The following ZMYM2 variants were observed in gnomAD, a reference collection of about 807,000 sequenced individuals.
ZMYM2 encodes the protein zinc finger MYM-type containing 2, also known as zinc finger MYM-type protein 2.
A neutral mutation model predicts 162.8 loss-of-function variants in ZMYM2; 56 were observed. That is an observed-to-expected ratio of 0.34 (90% CI 0.28 to 0.43). The LOEUF is 0.43. Among genes scored for constraint, ZMYM2 ranks in the 20% least tolerant of loss-of-function variants. The probability of loss-of-function intolerance (pLI) is 1.00; values close to 1 mark genes in which losing one functional copy is unlikely to be tolerated. For synonymous variants in ZMYM2, 510 were observed against 541.6 expected, an observed-to-expected ratio of 0.94 and a Z score of 0.81; for missense variants, 1,275 against 1,621.8, an observed-to-expected ratio of 0.79 and a Z score of 3.67.
At chr13:19,870,435 A>C in the ZMYM2 span, among the ~76,000 whole-genome samples, 2 of 150,578 alleles carry the variant, frequency 1.3e-5, no homozygotes, top group Non-Finnish European at 3.0e-5. Flanking sequence ...ACTGCGCCTG[A>C]CCATACACTG....
chr13:20,076,257 A>G (rs1957496444), intron 21 of ZMYM2, among the ~76,000 whole-genome samples: 1 of 150,164 alleles, frequency 6.7e-6, no homozygotes, highest in South Asian at 2.1e-4. Flanking sequence ...AATGATGAGC[A>G]TTCTCTTTGT....
At chr13:20,008,400 G>A (rs1238320438) in intron 6 of ZMYM2, among the ~76,000 whole-genome samples, 1 of 152,180 alleles carries the variant, frequency 6.6e-6, no homozygotes, top group Non-Finnish European at 1.5e-5. Flanking sequence ...CAAAGTGCTG[G>A]GATTACAGGC....
At chr13:19,920,854 C>A in the ZMYM2 span, among the ~76,000 whole-genome samples, 1 of 152,086 alleles carries the variant, frequency 6.6e-6, no homozygotes, top group Admixed American at 6.6e-5. Flanking sequence ...CCTCTACCTC[C>A]TGGATTCAAG....
intron 2 of ZMYM2, among the ~76,000 whole-genome samples, chr13:19,981,892 G>C (rs1957365112): frequency 6.6e-6 from 1 of 152,094 alleles, no homozygotes; most frequent in Non-Finnish European, 1.5e-5. Flanking sequence ...CTAAGCCGTT[G>C]AGGGTCACAG....
At chr13:19,926,483 C>A in the ZMYM2 span, among the ~76,000 whole-genome samples, 1 of 151,226 alleles carries the variant, frequency 6.6e-6, no homozygotes, top group Non-Finnish European at 1.5e-5. Context: ...CCTGCCTTAG[C>A]CTCCTGAGTA....
chr13:19,885,359 A>G, the ZMYM2 span, among the ~76,000 whole-genome samples: 2 of 152,178 alleles, frequency 1.3e-5, no homozygotes, highest in Admixed American at 6.6e-5. Flanking sequence ...TTAAGCTAGG[A>G]TAAGAGGATC....
At chr13:19,960,199 C>T (rs1955044134) in intron 2 of ZMYM2, among the ~76,000 whole-genome samples, 173 bp downstream of exon 2, 1 of 152,150 alleles carries the variant, frequency 6.6e-6, no homozygotes, top group Non-Finnish European at 1.5e-5. Context: ...TGGGAGTGGG[C>T]GCTGCTGTTT....
At chr13:19,933,687 T>A in the ZMYM2 span, among the ~76,000 whole-genome samples, 1 of 152,164 alleles carries the variant, frequency 6.6e-6, no homozygotes, top group African/African-American at 2.4e-5. Flanking sequence ...CTATGTAGAA[T>A]TCTGGAGCTG....
chr13:20,015,092 A>C (rs1951514781), intron 6 of ZMYM2, among the ~76,000 whole-genome samples: 1 of 152,104 alleles, frequency 6.6e-6, no homozygotes, highest in Admixed American at 6.6e-5. Flanking sequence ...TAAGCATTTA[A>C]AATTTTAAAT....
the ZMYM2 span, among the ~76,000 whole-genome samples, chr13:19,923,960 C>T: frequency 9.9e-5 from 15 of 152,066 alleles, no homozygotes; most frequent in African/African-American, 3.4e-4. Context: ...AGTAAGCTAC[C>T]GTGCCTGGCC....
Position 20,036,843 on chromosome 13 carries a change from C to T in ZMYM2, c.2226C>T (p.Leu742=), listed in dbSNP as rs376299638. The change falls in exon 12 of 25, where the codon CTC becomes CTT. Residue 742 remains leucine, a synonymous_variant. Coordinates refer to ENST00000610343, the MANE Select transcript of ZMYM2 (RefSeq NM_197968.4). ...GTAAGAAGGGAGCAACTAAAGAACT[C>T]GATGGTGTTGTGAGAGATTTCTGCA... ...QLCKKGATKE[L]DGVVRDFCSE... 3.3e-5 allele frequency: 53 copies of T among 1,610,154 alleles called. No individual in the cohort carries two copies. Among genetic ancestry groups the T allele is most frequent in the Middle Eastern group, 1.6e-4 (1 of 6,076 alleles).
At chr13:19,864,318 G>A in the ZMYM2 span, 2 of 155,066 alleles carry the variant, frequency 1.3e-5, no homozygotes, top group Non-Finnish European at 2.9e-5. Context: ...AGGAGGAGAC[G>A]ACGTCCTCCA....
chr13:20,024,556 T>C (rs1952408097), intron 7 of ZMYM2: 1 of 223,932 alleles, frequency 4.5e-6, no homozygotes, highest in Non-Finnish European at 8.9e-6. Flanking sequence ...TAGTGGCAGT[T>C]GTCCCGAATA....
chr13:19,958,048 AC>A (rs898161559), upstream of ZMYM2, among the ~76,000 whole-genome samples: 2 of 152,086 alleles, frequency 1.3e-5, no homozygotes, highest in African/African-American at 4.8e-5. Context: ...AAAATGGAGG[AC>A]GTCGTCTCCT....
At chr13:20,026,842 A>T (rs1203249940) in intron 8 of ZMYM2, 80 bp downstream of exon 8, 1 of 1,410,046 alleles carries the variant, frequency 7.1e-7, no homozygotes, top group East Asian at 2.6e-5. Context: ...TGATGTTTTT[A>T]TGCTTGTTTT....
chr13:20,066,380 T>G (rs1255650119), intron 19 of ZMYM2, among the ~76,000 whole-genome samples: 3 of 152,158 alleles, frequency 2.0e-5, no homozygotes, highest in Non-Finnish European at 4.4e-5. Flanking sequence ...AGTCAAAAAT[T>G]CATGTATTAC....
chr13:20,059,646 C>A, intron 16 of ZMYM2, 84 bp downstream of exon 16: 1 of 726,432 alleles, frequency 1.4e-6, no homozygotes. Flanking sequence ...CCTTGAACAA[C>A]AAGAGTTTGA....
chr13:19,875,771 T>C, the ZMYM2 span, among the ~76,000 whole-genome samples: 22 of 151,930 alleles, frequency 1.4e-4, no homozygotes, highest in Middle Eastern at 3.4e-3. Context: ...AGCTAAACAT[T>C]GAGTACACAT....
intron 2 of ZMYM2, among the ~76,000 whole-genome samples, chr13:19,992,603 C>T (rs575547907): frequency 1.3e-5 from 2 of 151,982 alleles, no homozygotes; most frequent in African/African-American, 4.8e-5. Context: ...AGGATTATAG[C>T]ATGTGACTTT....
Sources: allele counts gnomAD v4.1 joint callset (sites outside exome capture counted in the v4.1 genomes callset), GRCh38; gene constraint gnomAD v4.1.1; transcripts MANE v1.5; gene names NCBI Gene and HGNC (gene_info 2026-07-23, HGNC 2026-07-21).